Variants in CRB2 observed in about 807,000 individuals in gnomAD.
CRB2 encodes the protein crumbs cell polarity complex component 2, also known as protein crumbs homolog 2.
A neutral mutation model predicts 110.9 loss-of-function variants in CRB2; 85 were observed. That is an observed-to-expected ratio of 0.77 (90% CI 0.64 to 0.92). CRB2 has a LOEUF of 0.92. Ranked by LOEUF, CRB2 falls within the 40% of genes least tolerant of loss-of-function variation. The probability of loss-of-function intolerance (pLI) is 0.00; values close to 1 mark genes in which losing one functional copy is unlikely to be tolerated. For missense variants in CRB2, 1,843 were observed against 1,851.3 expected (o/e 1.00, Z 0.08); for synonymous variants, 907 against 831.0 (o/e 1.09, Z -1.57).
At chr9:123,367,389 T>A in intron 5 of CRB2, 32 bp downstream of exon 5, 1 of 1,577,458 alleles carries the variant, frequency 6.3e-7, no homozygotes, top group South Asian at 1.1e-5. Context: ...GGTCAGCCCA[T>A]GTCCAGATGC....
Position 123,371,416 on chromosome 9 carries a change from C to A in CRB2, c.2274C>A (p.Pro758=), listed in dbSNP as rs747844515. The change falls in exon 8 of 13, where the codon CCC becomes CCA. Residue 758 remains proline, a synonymous_variant. Transcript: ENST00000373631. The part of the protein sequence containing the change: ...GGRLLAADSQ[P]WGGPFRGCLQ... ...GGCTCCTTGCTGCCGACAGCCAGCC[C>A]TGGGGTGGGCCCTTCCGAGGCTGCC... The A allele has an allele frequency of 1.9e-5, 31 of 1,611,574 alleles. No homozygotes were observed. The highest frequency in any genetic ancestry group is 2.4e-5 in the Non-Finnish European group (28 of 1,179,352).
chr9:123,356,082 C>T (rs896510831), upstream of CRB2: 95 of 427,622 alleles, frequency 2.2e-4, no homozygotes, highest in African/African-American at 1.8e-3. Flanking sequence ...GGGACGTCCA[C>T]GAGGTGGAGC....
At position 123,376,999 on chromosome 9, in the gene CRB2, G is replaced by A. The variant is rs1259081461; in HGVS notation, c.3795G>A (p.Val1265=). The A allele has an allele frequency of 1.2e-6, 2 of 1,609,426 alleles. No homozygotes were observed. Among genetic ancestry groups the A allele is most frequent in the Non-Finnish European group, 1.7e-6 (2 of 1,178,620 alleles). Residue 1265 remains valine, a synonymous_variant, in exon 13 of 13, where the codon GTG becomes GTA. Coordinates refer to ENST00000373631, the MANE Select transcript of CRB2 (RefSeq NM_173689.7). The part of the protein sequence containing the change: ...EGTYSPSQQE[V]AGARLEMDSV... ...CCTACAGCCCAAGCCAGCAGGAGGT[G>A]GCTGGGGCCCGGCTGGAGATGGACA...
chr9:123,372,790 A>G (rs923308805), intron 9 of CRB2, among the ~76,000 whole-genome samples: 2 of 152,162 alleles, frequency 1.3e-5, no homozygotes, highest in African/African-American at 4.8e-5. Context: ...GGCTGCAGTG[A>G]AGGGCAAGCC....
upstream of CRB2, among the ~76,000 whole-genome samples, chr9:123,355,639 G>A (rs1004878685): frequency 3.4e-5 from 5 of 147,456 alleles, no homozygotes; most frequent in Admixed American, 2.0e-4. Context: ...GGGGCTGACC[G>A]AGTGTGGGGA....
chr9:123,373,210 C>T lies in CRB2; in HGVS notation c.2679C>T (p.Leu893=), dbSNP rs562921657. ...SGHNASSGRL[L]GGLSLAFRTR... The stretch of plus-strand genomic sequence containing the variant: ...ACAACGCGTCGTCAGGGCGCTTGCT[C>T]GGCGGCCTGTCGCTGGCCTTTCGCA... The change falls in exon 10 of 13, where the codon CTC becomes CTT. Residue 893 remains leucine (L), a synonymous_variant. Transcript: ENST00000373631. 14 of 1,511,366 alleles carry T rather than the reference C, an allele frequency of 9.3e-6. No homozygotes were observed. Among genetic ancestry groups the T allele is most frequent in the African/African-American group, 5.7e-5 (4 of 69,684 alleles). The allele number at this position is 1,511,366 out of a possible 1,614,324, so 93.6% of individuals were successfully genotyped here. A position where few individuals can be genotyped will look rare whatever the true frequency, so the allele number is the denominator to read the frequency against.
At chr9:123,374,049 G>C in intron 10 of CRB2, 129 bp downstream of exon 10, 1 of 1,159,566 alleles carries the variant, frequency 8.6e-7, no homozygotes, top group Non-Finnish European at 1.3e-6. Flanking sequence ...TGTGACATGA[G>C]GAGGACAGTT....
intron 5 of CRB2, 96 bp from the exon 6 acceptor site, chr9:123,367,476 TC>T (rs2041954110): frequency 1.0e-6 from 1 of 1,001,972 alleles, no homozygotes; most frequent in African/African-American, 2.1e-5. Flanking sequence ...GTCTGCCCTC[TC>T]TCTTGGACTC....
intron 2 of CRB2, among the ~76,000 whole-genome samples, chr9:123,363,818 C>T (rs79924544): frequency 0.02 from 3,094 of 152,296 alleles, 43 homozygotes; most frequent in Non-Finnish European, 0.033. Context: ...GAGTGTGGCC[C>T]GTCCCAGGCC....
At chr9:123,364,335 T>C (rs906167161) in intron 2 of CRB2, among the ~76,000 whole-genome samples, 4 of 147,212 alleles carry the variant, frequency 2.7e-5, no homozygotes, top group South Asian at 2.1e-4. Context: ...GTGGGTTGTG[T>C]GGGCAGTGGG....
Position 123,370,541 on chromosome 9 carries a change from A to G in CRB2, c.1488A>G (p.Thr496=). The change falls in exon 7 of 13, where the codon ACA becomes ACG. Residue 496 remains threonine, a synonymous_variant. Transcript: ENST00000373631. ...TGGTGGCAGCCACACTTCAGGCCAC[A>G]CTCTGGAGCTACAGCACCACTGTGC... ...LALVAATLQA[T]LWSYSTTVLV... 1 of 1,613,558 alleles carries G rather than the reference A, an allele frequency of 6.2e-7. No homozygotes were observed. Among genetic ancestry groups the G allele is most frequent in the Non-Finnish European group, 8.5e-7 (1 of 1,180,022 alleles).
In CRB2 at chr9:123,366,259, AGGGCACGCACTGCGAGC is replaced by A; in HGVS notation, c.651_667del (p.Thr218GlyfsTer58). The stretch of plus-strand genomic sequence containing the variant: ...TGCGACTGCGCGGGCACCGGCTACG[AGGGCACGCACTGCGAGC>A]GGGAGGTGCTGGAGTGCGCATCGGC... On this transcript the variant is annotated frameshift_variant, in exon 4 of 13. Coordinates refer to ENST00000373631, the MANE Select transcript of CRB2 (RefSeq NM_173689.7). LOFTEE classifies it high-confidence loss of function. 6.7e-7 allele frequency: 1 copy of A among 1,495,720 alleles called. No individual in the cohort carries two copies. The highest frequency in any genetic ancestry group is 8.8e-7 in the Non-Finnish European group (1 of 1,133,784). The allele number at this position is 1,495,720 out of a possible 1,614,324, so 92.7% of individuals were successfully genotyped here. A position where few individuals can be genotyped will look rare whatever the true frequency, so the allele number is the denominator to read the frequency against.
intron 1 of CRB2, among the ~76,000 whole-genome samples, chr9:123,357,947 A>T (rs1588201405): frequency 6.6e-6 from 1 of 152,228 alleles, no homozygotes; most frequent in South Asian, 2.1e-4. Context: ...GAGTGGATGG[A>T]GGCTGTGGGG....
Position 123,373,232 on chromosome 9 carries a change from C to T in CRB2, c.2701C>T (p.Arg901Cys), listed in dbSNP as rs1269007696. Residue 901 changes from arginine (R) to cysteine (C), a missense_variant, in exon 10 of 13, where the codon CGC (arginine) becomes TGC (cysteine). Transcript: ENST00000373631. ...RLLGGLSLAFRTRDSEAWLLR... is the reference protein window; with the variant it reads ...RLLGGLSLAFCTRDSEAWLLR... ...GCTCGGCGGCCTGTCGCTGGCCTTT[C>T]GCACGCGCGACTCCGAGGCCTGGCT... 7.3e-6 allele frequency: 11 copies of T among 1,506,012 alleles called. No individual in the cohort carries two copies. Among genetic ancestry groups the T allele is most frequent in the Middle Eastern group, 2.0e-4 (1 of 4,888 alleles). 93.3% of individuals were successfully genotyped at this position (1,506,012 alleles called of 1,614,324 possible). A position where few individuals can be genotyped will look rare whatever the true frequency, so the allele number is the denominator to read the frequency against.
At position 123,374,705 on chromosome 9, in the gene CRB2, G is replaced by A; in HGVS notation, c.3506+10G>A. 2 of 1,594,340 alleles carry A rather than the reference G, an allele frequency of 1.3e-6. No individual in the cohort carries two copies. The highest frequency in any genetic ancestry group is 2.2e-5 in the South Asian group (2 of 90,658). Reference sequence around the variant, plus strand: ...GTCTTGCTGGCCAGAGGTGGGTCTGGGGGCCTGGGAACTGTGAGGAGGTCC... The same window carrying A: ...GTCTTGCTGGCCAGAGGTGGGTCTGAGGGCCTGGGAACTGTGAGGAGGTCC... On this transcript the variant is annotated intron_variant, in intron 11 of 12. Coordinates refer to ENST00000373631, the MANE Select transcript of CRB2 (RefSeq NM_173689.7).
chr9:123,358,279 C>T (rs1200820393), intron 1 of CRB2, among the ~76,000 whole-genome samples: 2 of 152,218 alleles, frequency 1.3e-5, no homozygotes, highest in African/African-American at 2.4e-5. Flanking sequence ...CCCAATTTGC[C>T]ACAAAGGCCC....
chr9:123,376,145 T>A (rs1315686993), intron 12 of CRB2, among the ~76,000 whole-genome samples: 1 of 152,162 alleles, frequency 6.6e-6, no homozygotes, highest in Non-Finnish European at 1.5e-5. Flanking sequence ...CGGTGGAGGC[T>A]GGCAGGACCC....
In CRB2 at chr9:123,363,326, A is replaced by G. The variant is rs893185886; in HGVS notation, c.418+138A>G. 3 of 857,742 alleles carry G rather than the reference A, an allele frequency of 3.5e-6. No individual in the cohort carries two copies. In the Admixed American group the frequency reaches 7.8e-5, roughly 22 times the overall value. 53.1% of individuals were successfully genotyped at this position (857,742 alleles called of 1,614,324 possible). ...ATCCGGGCAGCTCTAGGGTATATCC[A>G]CTTGGTCTGACTACAGAACTGATGC... On this transcript the variant is annotated intron_variant, in intron 2 of 12. Coordinates refer to ENST00000373631, the MANE Select transcript of CRB2 (RefSeq NM_173689.7).
At chr9:123,366,561 C>T (rs2041935351) in intron 4 of CRB2, among the ~76,000 whole-genome samples, 195 bp downstream of exon 4, 1 of 152,166 alleles carries the variant, frequency 6.6e-6, no homozygotes, top group Admixed American at 6.5e-5. Flanking sequence ...AGCGCCTGCT[C>T]CTGGGGTTGC....
Sources: allele counts gnomAD v4.1 joint callset (sites outside exome capture counted in the v4.1 genomes callset), GRCh38; gene constraint gnomAD v4.1.1; transcripts MANE v1.5; gene names NCBI Gene and HGNC (gene_info 2026-07-23, HGNC 2026-07-21).